Variants in BMERB1 observed in about 807,000 individuals in gnomAD.
BMERB1 encodes the protein bMERB domain containing 1.
In BMERB1, 12 loss-of-function variants were observed where a neutral mutation model predicts 23.6. The ratio of observed to expected loss-of-function variants is 0.51; its 90% CI spans 0.33 to 0.82. BMERB1 has a LOEUF of 0.82. Ranked by LOEUF, BMERB1 falls within the 40% of genes least tolerant of loss-of-function variation. BMERB1 has a pLI of 0.03. For synonymous variants in BMERB1, 122 were observed against 96.6 expected (o/e 1.26, Z -1.54); for missense variants, 247 against 255.4 (o/e 0.97, Z 0.22).
chr16:15,558,359 G>C (rs2030325089), intron 2 of BMERB1, among the ~76,000 whole-genome samples: 1 of 152,138 alleles, frequency 6.6e-6, no homozygotes, highest in Non-Finnish European at 1.5e-5. Flanking sequence ...TAAAGTGTGG[G>C]AAGAGGTGAT....
intron 1 of BMERB1, among the ~76,000 whole-genome samples, chr16:15,499,727 CT>C (rs1238588003): frequency 1.3e-5 from 2 of 152,210 alleles, no homozygotes; most frequent in East Asian, 3.9e-4. Flanking sequence ...TTTCTTCCAG[CT>C]CATCATTCAG....
chr16:15,505,850 T>G (rs746125954), intron 1 of BMERB1, among the ~76,000 whole-genome samples: 5 of 145,400 alleles, frequency 3.4e-5, no homozygotes, highest in Non-Finnish European at 6.0e-5. Context: ...ATCACGCCAC[T>G]GCACTCCAGC....
At chr16:15,517,937 ATGTGTGGGTGTG>A (rs1283176599) in intron 2 of BMERB1, among the ~76,000 whole-genome samples, 6 of 130,208 alleles carry the variant, frequency 4.6e-5, no homozygotes, top group Non-Finnish European at 1.6e-5. Flanking sequence ...GTGTGTGTGC[ATGTGTGGGTGTG>A]TGTGTGGATG....
chr16:15,464,918 A>G (rs1035512563), intron 1 of BMERB1, among the ~76,000 whole-genome samples: 2 of 152,154 alleles, frequency 1.3e-5, no homozygotes, highest in Non-Finnish European at 2.9e-5. Flanking sequence ...GTTGCAGCCA[A>G]GTAGGTCTCA....
chr16:15,548,512 A>G (rs1001841128), intron 2 of BMERB1, among the ~76,000 whole-genome samples: 4 of 152,130 alleles, frequency 2.6e-5, no homozygotes, highest in African/African-American at 7.2e-5. Flanking sequence ...GGGTAGCTCA[A>G]AATCTGCAGC....
chr16:15,463,387 C>G (rs538282226), intron 1 of BMERB1, among the ~76,000 whole-genome samples: 71 of 152,230 alleles, frequency 4.7e-4, no homozygotes, highest in African/African-American at 1.6e-3. Flanking sequence ...AGCTACATCA[C>G]CTGGCCTGAA....
chr16:15,575,704 A>G (rs766572537), intron 3 of BMERB1, among the ~76,000 whole-genome samples: 5 of 152,202 alleles, frequency 3.3e-5, no homozygotes, highest in Non-Finnish European at 5.9e-5. Context: ...GCCCCAATAC[A>G]GAATTTTCTG....
At chr16:15,469,851 T>C (rs2051214313) in intron 1 of BMERB1, among the ~76,000 whole-genome samples, 1 of 152,250 alleles carries the variant, frequency 6.6e-6, no homozygotes, top group Admixed American at 6.5e-5. Flanking sequence ...TTGCAAACTT[T>C]CTAAACTCTT....
chr16:15,442,609 A>C (rs978755641), intron 1 of BMERB1, among the ~76,000 whole-genome samples: 1 of 152,188 alleles, frequency 6.6e-6, no homozygotes, highest in Non-Finnish European at 1.5e-5. Flanking sequence ...ATTAGTTATT[A>C]AACACATATT....
intron 2 of BMERB1, among the ~76,000 whole-genome samples, chr16:15,565,707 G>A (rs2030544711): frequency 6.6e-6 from 1 of 152,114 alleles, no homozygotes; most frequent in African/African-American, 2.4e-5. Flanking sequence ...ATTAAAAAAA[G>A]TATGAGCTGG....
intron 3 of BMERB1, among the ~76,000 whole-genome samples, chr16:15,570,069 G>A (rs919720273): frequency 6.6e-6 from 1 of 152,162 alleles, no homozygotes; most frequent in African/African-American, 2.4e-5. Flanking sequence ...CCCTTTCACT[G>A]TCCTAATTTT....
intron 3 of BMERB1, among the ~76,000 whole-genome samples, chr16:15,580,549 C>CTT (rs35826126): frequency 0.016 from 2,180 of 138,644 alleles, 81 homozygotes; most frequent in African/African-American, 0.056. Context: ...AGCTCAAGTG[C>CTT]TTTTTTTTTT....
At chr16:15,489,809 C>G (rs1263789257) in intron 1 of BMERB1, among the ~76,000 whole-genome samples, 1 of 152,074 alleles carries the variant, frequency 6.6e-6, no homozygotes, top group Non-Finnish European at 1.5e-5. Flanking sequence ...TCCAGTTTAT[C>G]CCATGTACAC....
At chr16:15,531,733 G>A (rs1464699027) in intron 2 of BMERB1, among the ~76,000 whole-genome samples, 2 of 152,210 alleles carry the variant, frequency 1.3e-5, no homozygotes, top group African/African-American at 4.8e-5. Flanking sequence ...GCGATTAAGG[G>A]TTTTTCCATT....
intron 1 of BMERB1, among the ~76,000 whole-genome samples, chr16:15,435,549 G>T (rs1048312454): frequency 6.6e-6 from 1 of 152,134 alleles, no homozygotes; most frequent in African/African-American, 2.4e-5. Flanking sequence ...GGAGGTCCCT[G>T]CAAACCCGGG....
At chr16:15,552,862 G>A (rs774959043) in intron 2 of BMERB1, among the ~76,000 whole-genome samples, 51 of 152,304 alleles carry the variant, frequency 3.3e-4, no homozygotes, top group Non-Finnish European at 6.0e-4. Context: ...TGTAAGGTGA[G>A]AGCTCTTCTA....
intron 2 of BMERB1, among the ~76,000 whole-genome samples, chr16:15,527,166 C>T (rs903313886): frequency 2.6e-5 from 4 of 151,844 alleles, no homozygotes; most frequent in Non-Finnish European, 5.9e-5. Flanking sequence ...TAACCATCAC[C>T]ATCCCTCCCC....
At chr16:15,586,592 C>A (rs1364308983) in intron 5 of BMERB1, 125 bp from the exon 6 acceptor site, 12 of 757,498 alleles carry the variant, frequency 1.6e-5, no homozygotes, top group Non-Finnish European at 2.8e-5. Flanking sequence ...CTGAACAAGG[C>A]CTGGAACAAG....
chr16:15,539,767 C>T lies in BMERB1; in HGVS notation c.230+24339C>T, dbSNP rs555741321. 1.1e-4 allele frequency among the ~76,000 whole-genome samples: 17 copies of T among 150,918 alleles called. No individual in the cohort carries two copies. The East Asian group carries it at 1.2e-3, about 10-fold the overall frequency. On this transcript the variant is annotated intron_variant, in intron 2 of 5. Coordinates refer to ENST00000300006, the MANE Select transcript of BMERB1 (RefSeq NM_033201.3). ...CTGAGGCAGGAGAATCTCTTGAACC[C>T]GGGAGGTGGAGGTTGCAGTGAGCCG...
Sources: gnomAD v4.1 joint callset for allele counts (sites outside exome capture counted in the v4.1 genomes callset) on GRCh38, gnomAD v4.1.1 for gene constraint, MANE v1.5 for transcripts, NCBI Gene and HGNC (gene_info 2026-07-23, HGNC 2026-07-21) for gene names.